Variants in EPSTI1 observed in about 807,000 individuals in gnomAD.
EPSTI1 encodes epithelial-stromal interaction protein 1.
EPSTI1 carries 66 observed loss-of-function variants against 49.9 expected under a neutral mutation model. That is an observed-to-expected ratio of 1.32 (90% CI 1.08 to 1.62). The LOEUF (loss-of-function observed/expected upper bound fraction) is 1.62. Ranked by LOEUF, EPSTI1 falls within the 40% of genes most tolerant of loss-of-function variation. EPSTI1 has a pLI of 0.00. For synonymous variants in EPSTI1, 137 were observed against 130.7 expected (o/e 1.05, Z -0.33); for missense variants, 394 against 365.5 (o/e 1.08, Z -0.64).
At chr13:42,894,732 T>C (rs183797687) in intron 10 of EPSTI1, among the ~76,000 whole-genome samples, 100 of 148,412 alleles carry the variant, frequency 6.7e-4, no homozygotes, top group African/African-American at 2.2e-3. Context: ...CAAGGGATGA[T>C]AAAAACCCTT....
At chr13:42,982,174 A>C (rs2039997430) in intron 1 of EPSTI1, among the ~76,000 whole-genome samples, 1 of 152,202 alleles carries the variant, frequency 6.6e-6, no homozygotes. Context: ...TGCTGATAAG[A>C]CAGTTTTCAG....
intron 6 of EPSTI1, among the ~76,000 whole-genome samples, chr13:42,948,068 C>T (rs966271988): frequency 3.3e-5 from 5 of 152,248 alleles, no homozygotes; most frequent in Admixed American, 6.5e-5. Context: ...GCGCTCTCCA[C>T]GGTGTTCCCG....
At chr13:42,915,032 A>C (rs2037791553) in intron 8 of EPSTI1, among the ~76,000 whole-genome samples, 1 of 152,268 alleles carries the variant, frequency 6.6e-6, no homozygotes, top group African/African-American at 2.4e-5. Context: ...GCTGTCACCT[A>C]AACTTAACCT....
At chr13:42,979,308 G>T (rs2039940101) in intron 1 of EPSTI1, among the ~76,000 whole-genome samples, 1 of 152,226 alleles carries the variant, frequency 6.6e-6, no homozygotes, top group Admixed American at 6.5e-5. Context: ...GTGGGGCACA[G>T]TGGCTTATGC....
At chr13:42,929,939 G>A (rs1566127503) in intron 6 of EPSTI1, among the ~76,000 whole-genome samples, 1 of 152,176 alleles carries the variant, frequency 6.6e-6, no homozygotes, top group African/African-American at 2.4e-5. Flanking sequence ...TGTGGGGCTG[G>A]CTATATGAGA....
At chr13:42,895,170 A>G in intron 9 of EPSTI1, 62 bp from the exon 10 acceptor site, 1 of 1,317,200 alleles carries the variant, frequency 7.6e-7, no homozygotes, top group East Asian at 2.4e-5. Context: ...GAGATTTCTG[A>G]GAATCTAATG....
Position 42,886,490 on chromosome 13 carries a change from CTTG to C in EPSTI1, c.*2001_*2003del, listed in dbSNP as rs1457560369. 1.3e-5 allele frequency: 2 copies of C among 151,730 alleles called. No homozygotes were observed. Among genetic ancestry groups the C allele is most frequent in the Non-Finnish European group, 2.9e-5 (2 of 67,932 alleles). 9.4% of individuals were successfully genotyped at this position (151,730 alleles called of 1,614,324 possible). A position where few individuals can be genotyped will look rare whatever the true frequency, so the allele number is the denominator to read the frequency against. On this transcript the variant is annotated 3_prime_UTR_variant, in exon 11 of 11. Transcript: ENST00000313624. ...AAACATCTTACATTGGAACGATTTTCTTGTTTTTATTTTCTACAAAAAAAAAAG... is the reference window on the plus strand; with the variant it reads ...AAACATCTTACATTGGAACGATTTTCTTTTTATTTTCTACAAAAAAAAAAG...
chr13:42,916,458 G>T lies in EPSTI1; in HGVS notation c.741+1083C>A, dbSNP rs17063843. Among the ~76,000 whole-genome samples the T allele has an allele frequency of 2.6e-5, 4 of 152,238 alleles. No homozygotes were observed. In the East Asian group the frequency reaches 7.7e-4, roughly 29 times the overall value. On this transcript the variant is annotated intron_variant, in intron 8 of 10. Transcript: ENST00000313624. ...GGGCGAAACTATGAATGAGAAAGGG[G>T]TTCCACACTGTTGGGAAGAAGATAG...
chr13:42,982,298 C>T (rs2039999927), intron 1 of EPSTI1, among the ~76,000 whole-genome samples: 1 of 152,194 alleles, frequency 6.6e-6, no homozygotes, highest in Admixed American at 6.5e-5. Flanking sequence ...GCCATGGCAA[C>T]ATCAGGAAGT....
At chr13:42,945,062 C>T (rs1250337502) in intron 6 of EPSTI1, among the ~76,000 whole-genome samples, 2 of 152,166 alleles carry the variant, frequency 1.3e-5, no homozygotes, top group African/African-American at 2.4e-5. Flanking sequence ...AAATCACCTA[C>T]GTATTAGTCT....
chr13:42,987,624 G>T (rs1227299827), intron 1 of EPSTI1, among the ~76,000 whole-genome samples: 2 of 151,826 alleles, frequency 1.3e-5, no homozygotes, highest in African/African-American at 4.8e-5. Flanking sequence ...AGTGTATTTT[G>T]TGTGGGGCCA....
chr13:42,902,638 T>G (rs2037393504), intron 8 of EPSTI1, among the ~76,000 whole-genome samples: 1 of 152,202 alleles, frequency 6.6e-6, no homozygotes, highest in Non-Finnish European at 1.5e-5. Context: ...CTTAATATTT[T>G]CAAATACAAG....
Position 42,963,289 on chromosome 13 carries a change from T to C in EPSTI1, c.455A>G (p.Glu152Gly). Residue 152 changes from glutamate to glycine, a missense_variant, in exon 5 of 11, where the codon GAA becomes GGA. Glu to Gly is a moderately conservative substitution (Grantham distance 98). Transcript: ENST00000313624. ...CTGAATTGCCTTCATTTTTTGGAGT[T>C]CAGCTTCTTCAGCTTCCTTCTTGAT... ...VRIKKEAEEA[E>G]LQKMKAIQRE... The C allele has an allele frequency of 6.2e-7, 1 of 1,613,824 alleles. No individual in the cohort carries two copies.
chr13:42,968,787 G>A (rs760714847), intron 3 of EPSTI1, among the ~76,000 whole-genome samples: 105 of 151,938 alleles, frequency 6.9e-4, no homozygotes, highest in Admixed American at 2.0e-3. Flanking sequence ...CATATGCAGC[G>A]CCCCAGGTAA....
chr13:42,890,836 T>C lies in EPSTI1; in HGVS notation c.916-2334A>G, dbSNP rs916480004. Among the ~76,000 whole-genome samples the C allele has an allele frequency of 1.8e-4, 27 of 152,140 alleles. 1 individual carries two copies. The highest frequency in any genetic ancestry group is 2.1e-4 in the South Asian group (1 of 4,832). On this transcript the variant is annotated intron_variant, in intron 10 of 10. Transcript: ENST00000313624. ...TTTTTTTCCCCCTTTTCAATCCTTA[T>C]ATCTTAACGGAAATGTTTTTAATGT...
intron 6 of EPSTI1, among the ~76,000 whole-genome samples, chr13:42,941,875 T>A (rs2038763042): frequency 6.6e-6 from 1 of 152,108 alleles, no homozygotes; most frequent in East Asian, 1.9e-4. Context: ...GTCTATACAA[T>A]TATGCTTAGC....
intron 10 of EPSTI1, among the ~76,000 whole-genome samples, chr13:42,888,787 G>A (rs944159101): frequency 7.9e-5 from 12 of 152,134 alleles, no homozygotes; most frequent in African/African-American, 2.4e-5. Flanking sequence ...TATACAGTTC[G>A]AAAATGTTGT....
At chr13:42,941,632 G>T (rs1366193375) in intron 6 of EPSTI1, among the ~76,000 whole-genome samples, 2 of 145,830 alleles carry the variant, frequency 1.4e-5, no homozygotes, top group African/African-American at 5.0e-5. Flanking sequence ...AAAAAAAACA[G>T]AAAAAAAATT....
intron 1 of EPSTI1, among the ~76,000 whole-genome samples, chr13:42,973,544 G>T (rs1366207635): frequency 6.6e-6 from 1 of 152,134 alleles, no homozygotes; most frequent in Non-Finnish European, 1.5e-5. Flanking sequence ...CTTAATATAA[G>T]AAGAAGAGCT....
Sources: gnomAD v4.1 joint callset for allele counts (sites outside exome capture counted in the v4.1 genomes callset) on GRCh38, gnomAD v4.1.1 for gene constraint, MANE v1.5 for transcripts, NCBI Gene and HGNC (gene_info 2026-07-23, HGNC 2026-07-21) for gene names.